TCAIM: variants seen among roughly 807,000 people sequenced by gnomAD.
The protein encoded by TCAIM is T-cell activation inhibitor, mitochondrial.
Under a neutral mutation model 58.6 loss-of-function variants are expected in TCAIM, and 36 were observed. That is an observed-to-expected ratio of 0.61 (90% CI 0.47 to 0.81). The LOEUF is 0.81. Among genes scored for constraint, TCAIM ranks in the 30% least tolerant of loss-of-function variants. TCAIM has a pLI of 0.00. For synonymous variants in TCAIM, 172 were observed against 193.6 expected, an observed-to-expected ratio of 0.89 and a Z score of 0.93; for missense variants, 466 against 579.6, an observed-to-expected ratio of 0.80 and a Z score of 2.01.
intron 1 of TCAIM, chr3:44,341,111 T>C (rs1031623689): frequency 6.6e-6 from 1 of 152,160 alleles, no homozygotes; most frequent in Admixed American, 6.5e-5. Flanking sequence ...TATTTTTATA[T>C]ATATAGGCAT....
intron 5 of TCAIM, among the ~76,000 whole-genome samples, chr3:44,369,447 G>T (rs1701429611): frequency 6.6e-6 from 1 of 152,236 alleles, no homozygotes; most frequent in Non-Finnish European, 1.5e-5. Flanking sequence ...CAGTTGGTCT[G>T]TGGTTCAGTT....
rs977889212 is a variant in TCAIM, at chr3:44,408,441, G to T, written c.*759G>T. On this transcript the variant is annotated 3_prime_UTR_variant, in exon 11 of 11. Transcript: ENST00000342649. ...AGGACTAAAAGCAGTTGAATGTATG[G>T]TACTGACATTGTCATAAGCAGTCTG... The T allele has an allele frequency of 6.6e-6, 1 of 152,152 alleles. No homozygotes were observed. The highest frequency in any genetic ancestry group is 1.5e-5 in the Non-Finnish European group (1 of 68,040). The allele number at this position is 152,152 out of a possible 1,614,324, so 9.4% of individuals were successfully genotyped here.
chr3:44,372,043 AAGGAAGGAAG>A (rs1701482809), intron 5 of TCAIM, among the ~76,000 whole-genome samples: 3 of 148,456 alleles, frequency 2.0e-5, no homozygotes, highest in African/African-American at 7.6e-5. Flanking sequence ...GGAAGGAAGG[AAGGAAGGAAG>A]GAAGGAAGGA....
intron 7 of TCAIM, 30 bp from the exon 8 acceptor site, chr3:44,396,713 A>C: frequency 6.2e-7 from 1 of 1,607,862 alleles, no homozygotes; most frequent in Non-Finnish European, 8.5e-7. Flanking sequence ...CACCTCGACC[A>C]TGACCAAAGG....
intron 1 of TCAIM, among the ~76,000 whole-genome samples, chr3:44,342,534 T>A (rs1017679147): frequency 2.0e-5 from 3 of 151,252 alleles, no homozygotes; most frequent in East Asian, 1.9e-4. Context: ...ATCAATCAAA[T>A]TTTTTTTTAA....
chr3:44,384,994 G>C (rs965763453), intron 5 of TCAIM, among the ~76,000 whole-genome samples: 4 of 152,226 alleles, frequency 2.6e-5, no homozygotes, highest in African/African-American at 9.6e-5. Context: ...GCTCAGAACT[G>C]TGGAGAAACA....
At chr3:44,357,963 G>A (rs1701229768) in intron 3 of TCAIM, 87 bp downstream of exon 3, 1 of 1,485,936 alleles carries the variant, frequency 6.7e-7, no homozygotes, top group East Asian at 2.3e-5. Context: ...TTCTATAAAT[G>A]TGGATTATTC....
chr3:44,376,911 A>G (rs1235786415), intron 5 of TCAIM, among the ~76,000 whole-genome samples: 2 of 152,128 alleles, frequency 1.3e-5, no homozygotes, highest in South Asian at 2.1e-4. Context: ...ACATGGTGAA[A>G]CCCCATCTCT....
At chr3:44,388,479 C>T (rs1426166098) in intron 5 of TCAIM, among the ~76,000 whole-genome samples, 1 of 152,036 alleles carries the variant, frequency 6.6e-6, no homozygotes, top group Non-Finnish European at 1.5e-5. Flanking sequence ...CCAGAAGTGA[C>T]GTTGTGTTGT....
At chr3:44,352,087 G>GTA (rs573558285) in intron 1 of TCAIM, among the ~76,000 whole-genome samples, 1,765 of 146,854 alleles carry the variant, frequency 0.012, 36 homozygotes, top group African/African-American at 0.04. Flanking sequence ...ATGTGTGTGT[G>GTA]TATATATATA....
At chr3:44,362,718 A>C (rs561793840) in intron 4 of TCAIM, 1 of 283,834 alleles carries the variant, frequency 3.5e-6, no homozygotes, top group East Asian at 5.6e-5. Flanking sequence ...TGCTGTAAAT[A>C]ATGAATAATA....
intron 4 of TCAIM, among the ~76,000 whole-genome samples, chr3:44,365,151 C>T (rs1701354156): frequency 1.3e-5 from 2 of 152,174 alleles, no homozygotes; most frequent in South Asian, 2.1e-4. Flanking sequence ...TTTGGGTTTT[C>T]CTTTCCTCCT....
chr3:44,395,523 C>G (rs1340678510), intron 6 of TCAIM, among the ~76,000 whole-genome samples: 1 of 152,110 alleles, frequency 6.6e-6, no homozygotes, highest in Non-Finnish European at 1.5e-5. Flanking sequence ...ATTAGAATTC[C>G]AAGGTGGGTT....
intron 1 of TCAIM, among the ~76,000 whole-genome samples, chr3:44,342,826 A>G (rs964770827): frequency 1.3e-5 from 2 of 151,990 alleles, no homozygotes; most frequent in Non-Finnish European, 1.5e-5. Context: ...ATTGCATATA[A>G]GCTGATTCAC....
chr3:44,378,719 G>A (rs767531353), intron 5 of TCAIM, among the ~76,000 whole-genome samples: 9 of 151,578 alleles, frequency 5.9e-5, no homozygotes, highest in Admixed American at 5.9e-4. Context: ...GCTGAGGCAG[G>A]AGAATTGCTT....
chr3:44,358,293 C>T (rs762468409), intron 3 of TCAIM: 1 of 985,676 alleles, frequency 1.0e-6, no homozygotes, highest in East Asian at 2.4e-5. Context: ...TCCCCTACAA[C>T]ATCAGTTAAT....
At chr3:44,384,056 T>TA (rs1410646541) in intron 5 of TCAIM, among the ~76,000 whole-genome samples, 1 of 152,198 alleles carries the variant, frequency 6.6e-6, no homozygotes, top group Non-Finnish European at 1.5e-5. Flanking sequence ...TAGTCTGGCT[T>TA]ACTTGGTATT....
intron 5 of TCAIM, among the ~76,000 whole-genome samples, chr3:44,385,692 G>A (rs192859851): frequency 4.3e-4 from 66 of 152,188 alleles, no homozygotes; most frequent in Admixed American, 3.3e-4. Context: ...GCAGTGAGCC[G>A]AGATTGCGCC....
chr3:44,364,523 T>C (rs907333448), intron 4 of TCAIM, among the ~76,000 whole-genome samples: 1 of 152,136 alleles, frequency 6.6e-6, no homozygotes, highest in Non-Finnish European at 1.5e-5. Context: ...GGCAAATTGC[T>C]TGAGTCCAGG....
Sources: allele counts gnomAD v4.1 joint callset (sites outside exome capture counted in the v4.1 genomes callset), GRCh38; gene constraint gnomAD v4.1.1; transcripts MANE v1.5; gene names NCBI Gene and HGNC (gene_info 2026-07-23, HGNC 2026-07-21).